The following NALF1 variants were observed in gnomAD, a reference collection of about 807,000 sequenced individuals.
NALF1 encodes family with sequence similarity 155 member A.
In NALF1, 3 loss-of-function variants were observed where a neutral mutation model predicts 48.4. The ratio of observed to expected loss-of-function variants is 0.06; its 90% CI spans 0.03 to 0.16. The LOEUF (loss-of-function observed/expected upper bound fraction) is 0.16, where lower values mean the gene tolerates loss of function less well. Ranked by LOEUF, NALF1 falls within the 10% of genes least tolerant of loss-of-function variation. The pLI is 1.00. For missense variants in NALF1, 526 were observed against 571.5 expected, an observed-to-expected ratio of 0.92 and a Z score of 0.81; for synonymous variants, 262 against 245.7, an observed-to-expected ratio of 1.07 and a Z score of -0.62.
intron 1 of NALF1, among the ~76,000 whole-genome samples, chr13:107,599,530 C>T (rs2138423564): frequency 6.6e-6 from 1 of 152,064 alleles, no homozygotes; most frequent in East Asian, 1.9e-4. Flanking sequence ...CCAGCAGTTT[C>T]TGATGTCCCA....
intron 1 of NALF1, among the ~76,000 whole-genome samples, chr13:107,709,038 C>T (rs1875490875): frequency 6.6e-6 from 1 of 152,102 alleles, no homozygotes; most frequent in South Asian, 2.1e-4. Context: ...ACAACGATAA[C>T]AACAGCAATG....
intron 1 of NALF1, among the ~76,000 whole-genome samples, chr13:107,595,960 T>C (rs530755897): frequency 6.6e-6 from 1 of 152,050 alleles, no homozygotes; most frequent in South Asian, 2.1e-4. Flanking sequence ...TAGCCACTGG[T>C]CACTGACATA....
At chr13:107,191,115 T>C (rs1371950743) in intron 2 of NALF1, among the ~76,000 whole-genome samples, 2 of 152,202 alleles carry the variant, frequency 1.3e-5, no homozygotes, top group African/African-American at 4.8e-5. Flanking sequence ...TATGATTTAC[T>C]TCATCTGACG....
chr13:107,468,050 A>T, intron 1 of NALF1, among the ~76,000 whole-genome samples: 1 of 150,302 alleles, frequency 6.7e-6, no homozygotes, highest in Admixed American at 6.6e-5. Flanking sequence ...TCCGTCTCAA[A>T]AAAAAAAAAA....
At position 107,457,714 on chromosome 13, in the gene NALF1, A is replaced by T. The variant is rs186614771; in HGVS notation, c.916-246959T>A. Among the ~76,000 whole-genome samples the T allele has an allele frequency of 5.7e-3, 864 of 152,298 alleles. 7 individuals are homozygous for T. Among genetic ancestry groups the T allele is most frequent in the African/African-American group, 0.02 (815 of 41,556 alleles). On this transcript the variant is annotated intron_variant, in intron 1 of 2. Coordinates refer to ENST00000375915, the MANE Select transcript of NALF1 (RefSeq NM_001080396.3). ...ACATGGAAATTAAAATCTCAGATAAAGTTGAAAACAAATGTTGAGACATTT... is the reference window on the plus strand; with the variant it reads ...ACATGGAAATTAAAATCTCAGATAATGTTGAAAACAAATGTTGAGACATTT...
intron 1 of NALF1, among the ~76,000 whole-genome samples, chr13:107,466,879 C>T (rs1308330046): frequency 6.6e-6 from 1 of 151,896 alleles, no homozygotes; most frequent in Non-Finnish European, 1.5e-5. Flanking sequence ...GTTTTCCTCC[C>T]TATTTTGGAG....
chr13:107,691,332 A>G (rs1174528983), intron 1 of NALF1, among the ~76,000 whole-genome samples: 2 of 152,058 alleles, frequency 1.3e-5, no homozygotes, highest in African/African-American at 2.4e-5. Context: ...GAGACAATAC[A>G]CTTCTGTTAT....
chr13:107,609,032 C>T (rs1003420076), intron 1 of NALF1, among the ~76,000 whole-genome samples: 1 of 152,188 alleles, frequency 6.6e-6, no homozygotes, highest in African/African-American at 2.4e-5. Context: ...TCAAGAGCCC[C>T]AGTTGTGTAC....
In NALF1 at chr13:107,689,637, G is replaced by GA. The variant is rs531963098; in HGVS notation, c.915+176044dup. ...ATCAGAGTCATGGCAGATATTTTTG[G>GA]AAAAAAATATAATTGGGGGATTTTC... On this transcript the variant is annotated intron_variant, in intron 1 of 2. Transcript: ENST00000375915. Among the ~76,000 whole-genome samples, 352 of 152,008 alleles carry GA rather than the reference G, an allele frequency of 2.3e-3. 5 individuals are homozygous for GA. Among genetic ancestry groups the GA allele is most frequent in the African/African-American group, 8.1e-3 (336 of 41,474 alleles).
intron 1 of NALF1, among the ~76,000 whole-genome samples, chr13:107,574,542 T>C (rs945664813): frequency 2.6e-5 from 4 of 152,222 alleles, no homozygotes; most frequent in Non-Finnish European, 5.9e-5. Context: ...AATGAATATA[T>C]AAATGAGGAC....
At chr13:107,332,355 C>T (rs370414096) in intron 1 of NALF1, among the ~76,000 whole-genome samples, 5 of 152,078 alleles carry the variant, frequency 3.3e-5, no homozygotes, top group Admixed American at 6.5e-5. Flanking sequence ...ACTGCTTAAA[C>T]GGTGAGAAAA....
chr13:107,736,175 A>G (rs1009977169), intron 1 of NALF1, among the ~76,000 whole-genome samples: 7 of 122,654 alleles, frequency 5.7e-5, no homozygotes, highest in Non-Finnish European at 8.2e-5. Context: ...ATGCATACGC[A>G]TGCATACACA....
intron 2 of NALF1, among the ~76,000 whole-genome samples, chr13:107,184,718 T>C (rs748809387): frequency 3.3e-5 from 5 of 152,234 alleles, no homozygotes; most frequent in African/African-American, 4.8e-5. Flanking sequence ...GCTGATGCTA[T>C]CTAAAACTAC....
rs1882267036 is a variant in NALF1 at position 107,322,112 on chromosome 13, A to G, written c.916-111357T>C. 2.0e-5 allele frequency among the ~76,000 whole-genome samples: 3 copies of G among 152,290 alleles called. No homozygotes were observed. The South Asian group carries it at 6.2e-4, about 32-fold the overall frequency. The stretch of plus-strand genomic sequence containing the variant: ...GAGATCTCTGTATTTTTCCAGGGAT[A>G]ACAGTTATTTCCATTGGCTGGTCAT... On this transcript the variant is annotated intron_variant, in intron 1 of 2. Transcript: ENST00000375915.
At chr13:107,849,505 C>T (rs1185284040) in intron 1 of NALF1, among the ~76,000 whole-genome samples, 4 of 152,134 alleles carry the variant, frequency 2.6e-5, no homozygotes, top group East Asian at 3.9e-4. Flanking sequence ...TGGACTCAAC[C>T]GAGACTGTAT....
intron 1 of NALF1, among the ~76,000 whole-genome samples, chr13:107,328,824 C>G (rs1042395508): frequency 1.3e-5 from 2 of 152,216 alleles, no homozygotes; most frequent in Non-Finnish European, 2.9e-5. Flanking sequence ...GTGGCCAACG[C>G]TATCAAAAAT....
At chr13:107,296,894 TAC>T (rs1374109545) in intron 1 of NALF1, among the ~76,000 whole-genome samples, 1 of 152,130 alleles carries the variant, frequency 6.6e-6, no homozygotes, top group African/African-American at 2.4e-5. Flanking sequence ...CAGAATCAAC[TAC>T]ACAGTTACTG....
chr13:107,310,391 CAG>C (rs201657436), intron 1 of NALF1, among the ~76,000 whole-genome samples: 6,279 of 141,592 alleles, frequency 0.044, 194 homozygotes, highest in East Asian at 0.16. Flanking sequence ...GCCAGGGAGA[CAG>C]AGCGAGATTC....
intron 1 of NALF1, among the ~76,000 whole-genome samples, chr13:107,370,460 TCCAGAG>T (rs933970092): frequency 2.0e-5 from 3 of 152,162 alleles, no homozygotes; most frequent in African/African-American, 7.2e-5. Flanking sequence ...CCTGGACCAC[TCCAGAG>T]CCAAAATCTG....
Sources: allele counts gnomAD v4.1 joint callset (sites outside exome capture counted in the v4.1 genomes callset), GRCh38; gene constraint gnomAD v4.1.1; transcripts MANE v1.5; gene names NCBI Gene and HGNC (gene_info 2026-07-23, HGNC 2026-07-21).